CTNND2: variants seen among roughly 807,000 people sequenced by gnomAD.
CTNND2 encodes the protein catenin delta-2.
A neutral mutation model predicts 144.4 loss-of-function variants in CTNND2; 22 were observed. The ratio of observed to expected loss-of-function variants is 0.15; its 90% confidence interval spans 0.11 to 0.22. The LOEUF is 0.22. Ranked by LOEUF, CTNND2 falls within the 10% of genes least tolerant of loss-of-function variation. CTNND2 has a pLI of 1.00. For missense variants in CTNND2, 1,353 were observed against 1,618.8 expected, an observed-to-expected ratio of 0.84 and a Z score of 2.82; for synonymous variants, 751 against 695.6, an observed-to-expected ratio of 1.08 and a Z score of -1.25.
At chr5:11,382,642 TGTGTAG>T (rs1310949904) in intron 7 of CTNND2, among the ~76,000 whole-genome samples, 2 of 145,118 alleles carry the variant, frequency 1.4e-5, no homozygotes, top group African/African-American at 5.1e-5. Context: ...TGTGTGTGTG[TGTGTAG>T]AATGATGAAT....
chr5:11,235,537 G>A (rs1163676220), intron 10 of CTNND2, among the ~76,000 whole-genome samples: 2 of 152,040 alleles, frequency 1.3e-5, no homozygotes, highest in Non-Finnish European at 2.9e-5. Context: ...CTGACATTTG[G>A]GGCTGGGTGA....
chr5:11,228,045 T>G (rs1362653048), intron 10 of CTNND2, among the ~76,000 whole-genome samples: 3 of 152,016 alleles, frequency 2.0e-5, no homozygotes, highest in Non-Finnish European at 2.9e-5. Flanking sequence ...ACACATGGTA[T>G]TAGAATGCCC....
chr5:11,005,928 T>G (rs1024986972), intron 18 of CTNND2, among the ~76,000 whole-genome samples: 3 of 152,192 alleles, frequency 2.0e-5, no homozygotes, highest in African/African-American at 7.2e-5. Context: ...CAAACCTGCA[T>G]GTTCTGCACA....
chr5:11,686,505 AT>A (rs1197534341), intron 2 of CTNND2, among the ~76,000 whole-genome samples: 1 of 151,934 alleles, frequency 6.6e-6, no homozygotes, highest in Admixed American at 6.6e-5. Context: ...TGAATAAATT[AT>A]ATTTGTTTTT....
intron 15 of CTNND2, among the ~76,000 whole-genome samples, chr5:11,096,947 G>C (rs1390520770): frequency 6.6e-6 from 1 of 152,180 alleles, no homozygotes; most frequent in African/African-American, 2.4e-5. Context: ...TGCAAGGCAG[G>C]GGAGCTGGGT....
At position 11,397,195 on chromosome 5, in the gene CTNND2, G is replaced by C. The variant is rs1378442449; in HGVS notation, c.448C>G (p.Leu150Val). 1 of 1,613,940 alleles carries C rather than the reference G, an allele frequency of 6.2e-7. No individual in the cohort carries two copies. The highest frequency in any genetic ancestry group is 1.7e-5 in the Admixed American group (1 of 60,030). ...QDYSTGERPS[L>V]LSQSALQLNS... is the part of the protein sequence containing the mutation. ...AGCTGAAGTGCACTCTGGGAGAGCA[G>C]GCTGGGCCCTGCATTGAAAGTCATT... Residue 150 changes from leucine (L) to valine (V), a missense_variant, in exon 6 of 22, where the codon CTG (leucine) becomes GTG (valine). Leu to Val is a conservative substitution (Grantham distance 32). This residue lies in a region of CTNND2 where 708 missense variants were observed against 706.4 expected (regional missense o/e 1.00). Coordinates refer to ENST00000304623, the MANE Select transcript of CTNND2 (RefSeq NM_001332.4).
chr5:11,516,336 A>AAAAT (rs1177029913), intron 3 of CTNND2, among the ~76,000 whole-genome samples: 168 of 151,782 alleles, frequency 1.1e-3, no homozygotes, highest in South Asian at 5.0e-3. Flanking sequence ...GCAATTAGGC[A>AAAAT]AAATAAATAA....
intron 16 of CTNND2, among the ~76,000 whole-genome samples, chr5:11,056,870 G>A (rs1278987124): frequency 7.9e-5 from 12 of 152,252 alleles, no homozygotes; most frequent in Admixed American, 7.8e-4. Context: ...TATAGATAGA[G>A]AGAAGCTCAG....
At chr5:11,255,441 T>C (rs1192967061) in intron 9 of CTNND2, among the ~76,000 whole-genome samples, 16 of 152,204 alleles carry the variant, frequency 1.1e-4, no homozygotes, top group Admixed American at 1.0e-3. Context: ...TCCTAGCATT[T>C]TTTCCTGTTC....
intron 9 of CTNND2, among the ~76,000 whole-genome samples, chr5:11,318,750 A>G (rs1454930629): frequency 6.6e-6 from 1 of 151,652 alleles, no homozygotes; most frequent in East Asian, 1.9e-4. Context: ...CTTCCGCCCC[A>G]CCAAGTTTTA....
At chr5:11,712,938 T>C (rs1786116890) in intron 2 of CTNND2, among the ~76,000 whole-genome samples, 1 of 152,186 alleles carries the variant, frequency 6.6e-6, no homozygotes, top group Non-Finnish European at 1.5e-5. Context: ...AGGTATTTTT[T>C]GATAATATAG....
chr5:11,575,034 T>C (rs1317356977), intron 2 of CTNND2, among the ~76,000 whole-genome samples: 3 of 152,208 alleles, frequency 2.0e-5, no homozygotes, highest in Non-Finnish European at 4.4e-5. Context: ...CATTACTTCA[T>C]TTAATTGCCA....
rs1190124345 is a variant in CTNND2, at chr5:10,992,694, GCTC to G, written c.3085-20_3085-18del. The stretch of plus-strand genomic sequence containing the variant: ...CCATCCATCCTGCAAAACACAGCAC[GCTC>G]CTGTTAGATGGGCAAGACAGAGTGA... On this transcript the variant is annotated intron_variant, in intron 18 of 21. Coordinates refer to ENST00000304623, the MANE Select transcript of CTNND2 (RefSeq NM_001332.4). 6.2e-7 allele frequency: 1 copy of G among 1,612,406 alleles called. No homozygotes were observed. The highest frequency in any genetic ancestry group is 8.5e-7 in the Non-Finnish European group (1 of 1,179,344).
intron 2 of CTNND2, among the ~76,000 whole-genome samples, chr5:11,634,796 T>C (rs1444082171): frequency 6.6e-6 from 1 of 152,226 alleles, no homozygotes; most frequent in East Asian, 1.9e-4. Context: ...ACAGAAAACA[T>C]GATGCTAGAA....
intron 3 of CTNND2, among the ~76,000 whole-genome samples, chr5:11,423,897 T>G (rs1226115384): frequency 6.6e-6 from 1 of 152,196 alleles, no homozygotes; most frequent in African/African-American, 2.4e-5. Context: ...ATTTTTTTTT[T>G]GCTTTTTTTG....
intron 1 of CTNND2, among the ~76,000 whole-genome samples, chr5:11,742,985 C>T (rs999803691): frequency 5.9e-5 from 9 of 152,204 alleles, no homozygotes; most frequent in African/African-American, 1.9e-4. Context: ...GTCATTCTCA[C>T]TCAGAAGTGC....
At chr5:11,304,063 C>T (rs1749904804) in intron 9 of CTNND2, among the ~76,000 whole-genome samples, 2 of 152,052 alleles carry the variant, frequency 1.3e-5, no homozygotes, top group Admixed American at 6.6e-5. Flanking sequence ...TGAGGCCTCC[C>T]CAGCCACGTG....
At chr5:11,793,875 GT>G (rs1016966044) in intron 1 of CTNND2, among the ~76,000 whole-genome samples, 1 of 152,154 alleles carries the variant, frequency 6.6e-6, no homozygotes, top group African/African-American at 2.4e-5. Flanking sequence ...TAACACTGGG[GT>G]TATTTATTCC....
At chr5:11,256,144 C>T (rs1029551598) in intron 9 of CTNND2, among the ~76,000 whole-genome samples, 1 of 152,204 alleles carries the variant, frequency 6.6e-6, no homozygotes, top group East Asian at 1.9e-4. Context: ...ACTTCCTCCT[C>T]GGCTAACTTG....
Sources: gnomAD v4.1 joint callset for allele counts (sites outside exome capture counted in the v4.1 genomes callset) on GRCh38, gnomAD v4.1.1 for gene constraint, gnomAD v4.1.1 regional missense constraint, MANE v1.5 for transcripts, NCBI Gene and HGNC (gene_info 2026-07-23, HGNC 2026-07-21) for gene names.